PHF21A: variants seen among roughly 807,000 people sequenced by gnomAD.
PHF21A encodes PHD finger protein 21A.
In PHF21A, 11 loss-of-function variants were observed where a neutral mutation model predicts 82.5. That is an observed-to-expected ratio of 0.13 (90% CI 0.08 to 0.22). PHF21A has a LOEUF of 0.22. PHF21A is among the 10% of genes least tolerant of loss of function. The probability of loss-of-function intolerance (pLI) is 1.00; values close to 1 mark genes in which losing one functional copy is unlikely to be tolerated. For missense variants in PHF21A, 579 were observed against 837.8 expected (o/e 0.69, Z 3.81); for synonymous variants, 297 against 302.8 (o/e 0.98, Z 0.20).
At chr11:46,030,213 C>T (rs1040511022) in intron 6 of PHF21A, among the ~76,000 whole-genome samples, 2 of 152,184 alleles carry the variant, frequency 1.3e-5, no homozygotes, top group Non-Finnish European at 2.9e-5. Context: ...AAGAGCTTAT[C>T]CAGAGAATAA....
chr11:46,084,975 G>A (rs1302380240), intron 3 of PHF21A, among the ~76,000 whole-genome samples: 2 of 151,936 alleles, frequency 1.3e-5, no homozygotes, highest in Non-Finnish European at 2.9e-5. Flanking sequence ...CCACTGCGCT[G>A]AGCCAAAATC....
chr11:46,033,278 T>C (rs1032913514), intron 6 of PHF21A, among the ~76,000 whole-genome samples: 1 of 152,192 alleles, frequency 6.6e-6, no homozygotes, highest in Non-Finnish European at 1.5e-5. Context: ...ATTATTGTTG[T>C]TGTTGAGGCA....
chr11:46,086,762 T>C (rs2096861565), intron 3 of PHF21A, among the ~76,000 whole-genome samples: 1 of 152,168 alleles, frequency 6.6e-6, no homozygotes, highest in Non-Finnish European at 1.5e-5. Flanking sequence ...CTACTGACAG[T>C]AACATAAAAC....
chr11:45,960,092 G>T (rs1223911850), intron 10 of PHF21A, among the ~76,000 whole-genome samples: 1 of 152,230 alleles, frequency 6.6e-6, no homozygotes. Flanking sequence ...AATGGAAAAT[G>T]ATTTAGCTGC....
intron 1 of PHF21A, among the ~76,000 whole-genome samples, chr11:46,101,726 A>G (rs572641095): frequency 6.6e-6 from 1 of 152,124 alleles, no homozygotes; most frequent in South Asian, 2.1e-4. Context: ...GCCTCGACCT[A>G]CCAGGCTTAA....
chr11:46,020,134 A>G (rs1417669086), intron 6 of PHF21A, among the ~76,000 whole-genome samples: 1 of 152,124 alleles, frequency 6.6e-6, no homozygotes, highest in Non-Finnish European at 1.5e-5. Flanking sequence ...CTACCACTCA[A>G]AAGTAATCAG....
chr11:45,992,413 G>A (rs906741255), intron 6 of PHF21A, among the ~76,000 whole-genome samples: 6 of 151,828 alleles, frequency 4.0e-5, no homozygotes, highest in Non-Finnish European at 5.9e-5. Context: ...GGTGGCGGGC[G>A]CCTGTAGTCC....
At chr11:45,949,645 A>G (rs748036823) in intron 12 of PHF21A, among the ~76,000 whole-genome samples, 164 bp from the exon 13 acceptor site, 3 of 152,254 alleles carry the variant, frequency 2.0e-5, no homozygotes, top group Non-Finnish European at 4.4e-5. Flanking sequence ...GGAAGCAAAT[A>G]TGTAGGACCA....
At position 45,948,909 on chromosome 11, in the gene PHF21A, A is replaced by G; in HGVS notation, c.1265T>C (p.Met422Thr). ...ACCTCTCTTCCGGGTCCCAGGGTGC[A>G]TTGTGCTGTTTAGGTATGTCACTGC... ...KSAVTYLNSTMHPGTRKRGRP... is the reference protein window; with the variant it reads ...KSAVTYLNSTTHPGTRKRGRP... Residue 422 changes from methionine (M) to threonine (T), a missense_variant, in exon 14 of 19, where the codon ATG (methionine) becomes ACG (threonine). Around this residue, in one of 3 missense-constraint regions of PHF21A, gnomAD observed 410 missense variants for 642.1 expected, o/e 0.64. Coordinates refer to ENST00000676320, the MANE Select transcript of PHF21A (RefSeq NM_001352027.3). The G allele has an allele frequency of 6.2e-7, 1 of 1,614,116 alleles. No individual in the cohort carries two copies. The highest frequency in any genetic ancestry group is 2.2e-5 in the East Asian group (1 of 44,884).
chr11:46,023,069 G>C (rs1233558697), intron 6 of PHF21A, among the ~76,000 whole-genome samples: 1 of 152,066 alleles, frequency 6.6e-6, no homozygotes, highest in African/African-American at 2.4e-5. Flanking sequence ...TTCTATTATA[G>C]TATATTTAGG....
intron 6 of PHF21A, among the ~76,000 whole-genome samples, chr11:46,002,034 T>C (rs756734220): frequency 6.6e-6 from 1 of 152,160 alleles, no homozygotes. Context: ...TGAGAAAATA[T>C]AAAGAAAAGA....
intron 6 of PHF21A, among the ~76,000 whole-genome samples, chr11:46,000,159 G>A (rs1008887832): frequency 6.6e-6 from 1 of 152,188 alleles, no homozygotes; most frequent in Non-Finnish European, 1.5e-5. Flanking sequence ...AGTGAAGGCA[G>A]CAAACTATAG....
chr11:45,971,890 C>CTTTCTTTTTTTTTTTTTTTTTTTTTTT (rs57081937), intron 7 of PHF21A, among the ~76,000 whole-genome samples: 1,171 of 50,240 alleles, frequency 0.023, 381 homozygotes, highest in Non-Finnish European at 0.032. Context: ...CTTTTTCTTT[C>CTTTCTTTTTTTTTTTTTTTTTTTTTTT]TTTTTTTTTT....
chr11:46,030,830 CGT>C (rs71038879), intron 6 of PHF21A, among the ~76,000 whole-genome samples: 4,931 of 142,258 alleles, frequency 0.035, 113 homozygotes, highest in South Asian at 0.11. Flanking sequence ...CGTGTGTGTG[CGT>C]GTGTGTGTGT....
chr11:46,070,653 G>C (rs188540353), intron 6 of PHF21A, among the ~76,000 whole-genome samples: 1 of 152,262 alleles, frequency 6.6e-6, no homozygotes, highest in Admixed American at 6.5e-5. Flanking sequence ...TTTTTAAACA[G>C]AGTCAGAGAA....
intron 6 of PHF21A, among the ~76,000 whole-genome samples, chr11:46,010,710 T>C (rs1263542009): frequency 6.6e-6 from 1 of 152,212 alleles, no homozygotes; most frequent in Non-Finnish European, 1.5e-5. Context: ...CCACAGAAGT[T>C]AGAGAAGAAC....
chr11:46,048,829 C>A (rs1428868966), intron 6 of PHF21A, among the ~76,000 whole-genome samples: 1 of 151,844 alleles, frequency 6.6e-6, no homozygotes, highest in Non-Finnish European at 1.5e-5. Flanking sequence ...AGGATCTATA[C>A]CTGGAAATAC....
intron 3 of PHF21A, among the ~76,000 whole-genome samples, chr11:46,086,863 C>G (rs1020298391): frequency 6.6e-6 from 1 of 152,242 alleles, no homozygotes; most frequent in East Asian, 1.9e-4. Context: ...AGGGCTAATA[C>G]AGTTTATATA....
chr11:46,101,939 C>A (rs2097102013), intron 1 of PHF21A, among the ~76,000 whole-genome samples: 1 of 151,874 alleles, frequency 6.6e-6, no homozygotes, highest in South Asian at 2.1e-4. Context: ...CTCACTACAA[C>A]CTCTGACTCC....
Sources: allele counts gnomAD v4.1 joint callset (sites outside exome capture counted in the v4.1 genomes callset), GRCh38; gene constraint gnomAD v4.1.1; regional missense constraint gnomAD v4.1.1; transcripts MANE v1.5; gene names NCBI Gene and HGNC (gene_info 2026-07-23, HGNC 2026-07-21).